The following LRRC7 variants were observed in gnomAD, a reference collection of about 807,000 sequenced individuals.
LRRC7 encodes leucine-rich repeat-containing protein 7.
In LRRC7, 23 loss-of-function variants were observed where a neutral mutation model predicts 175.7. The ratio of observed to expected loss-of-function variants is 0.13; its 90% confidence interval spans 0.09 to 0.19. The LOEUF is 0.19. Ranked by LOEUF, LRRC7 falls within the 10% of genes least tolerant of loss-of-function variation. LRRC7 has a pLI of 1.00. For missense variants in LRRC7, 1,354 were observed against 1,904.7 expected (o/e 0.71, Z 5.38); for synonymous variants, 685 against 680.9 (o/e 1.01, Z -0.09).
At chr1:69,752,740 T>C (rs2100903703) in intron 2 of LRRC7, among the ~76,000 whole-genome samples, 2 of 152,182 alleles carry the variant, frequency 1.3e-5, no homozygotes, top group Admixed American at 1.3e-4. Flanking sequence ...AAAATCACCA[T>C]TAGATATTCA....
intron 25 of LRRC7, among the ~76,000 whole-genome samples, chr1:70,095,283 T>C (rs1664308081): frequency 1.3e-5 from 2 of 152,264 alleles, no homozygotes; most frequent in Non-Finnish European, 2.9e-5. Context: ...AAATGATTTT[T>C]AAAAATAAAT....
intron 7 of LRRC7, among the ~76,000 whole-genome samples, chr1:69,922,271 C>T (rs1007961560): frequency 6.6e-6 from 1 of 152,112 alleles, no homozygotes; most frequent in African/African-American, 2.4e-5. Flanking sequence ...TTGAATGCAC[C>T]ATGATCTCTT....
intron 1 of LRRC7, among the ~76,000 whole-genome samples, chr1:69,630,036 C>T (rs1477944207): frequency 6.6e-6 from 1 of 152,016 alleles, no homozygotes; most frequent in Non-Finnish European, 1.5e-5. Context: ...TTTTTCCCTC[C>T]AGTGTCCTGC....
chr1:69,844,037 T>C (rs1682045695), intron 7 of LRRC7, among the ~76,000 whole-genome samples: 1 of 152,110 alleles, frequency 6.6e-6, no homozygotes, highest in Non-Finnish European at 1.5e-5. Context: ...ACCGAAGTAT[T>C]TGGGAGGATG....
chr1:69,719,362 A>C (rs11799793), intron 2 of LRRC7, among the ~76,000 whole-genome samples: 20,779 of 151,602 alleles, frequency 0.14, 2,009 homozygotes, highest in African/African-American at 0.27. Flanking sequence ...CTCTCTTTGG[A>C]TCATTCCCAC....
In LRRC7 at chr1:69,897,680, T is replaced by TA. The variant is rs67043665; in HGVS notation, c.648-33818dup. 2.0e-4 allele frequency among the ~76,000 whole-genome samples: 31 copies of TA among 151,820 alleles called. 1 individual carries two copies. The highest frequency in any genetic ancestry group is 1.4e-3 in the Admixed American group (21 of 15,240). On this transcript the variant is annotated intron_variant, in intron 7 of 26. Transcript: ENST00000651989. ...AGTACAAAGGGACAGCAAAGGTTTA[T>TA]AAAAAAAAATGTTCTAGCAGAATCA... is the stretch of plus-strand genomic sequence containing the variant.
intron 3 of LRRC7, among the ~76,000 whole-genome samples, chr1:69,774,713 A>G (rs746428271): frequency 6.6e-6 from 1 of 152,218 alleles, no homozygotes; most frequent in Non-Finnish European, 1.5e-5. Context: ...ACAAATCCAC[A>G]TTATTAATGT....
chr1:69,932,135 G>A (rs548615604), intron 8 of LRRC7, among the ~76,000 whole-genome samples: 1 of 152,266 alleles, frequency 6.6e-6, no homozygotes, highest in Admixed American at 6.5e-5. Flanking sequence ...TTTAAAATTT[G>A]CCTGAAGACC....
chr1:69,757,121 G>A (rs1670517701), intron 2 of LRRC7, among the ~76,000 whole-genome samples: 1 of 151,930 alleles, frequency 6.6e-6, no homozygotes, highest in Non-Finnish European at 1.5e-5. Context: ...GTAAACGAAA[G>A]GTGTGAGGAC....
intron 23 of LRRC7, among the ~76,000 whole-genome samples, chr1:70,054,761 G>A (rs2102067525): frequency 6.6e-6 from 1 of 151,544 alleles, no homozygotes; most frequent in Middle Eastern, 3.4e-3. Flanking sequence ...CACCATGCCT[G>A]GCCAATTTTT....
At chr1:69,808,592 C>T (rs1034149092) in intron 4 of LRRC7, among the ~76,000 whole-genome samples, 1 of 152,118 alleles carries the variant, frequency 6.6e-6, no homozygotes, top group Non-Finnish European at 1.5e-5. Context: ...CAAATTAGAA[C>T]TTAGAATTAA....
chr1:69,960,502 C>T (rs1311951587), intron 8 of LRRC7, among the ~76,000 whole-genome samples: 2 of 151,518 alleles, frequency 1.3e-5, no homozygotes, highest in Non-Finnish European at 2.9e-5. Context: ...CTCTGATTTT[C>T]GTTATTTCTT....
At chr1:70,042,786 C>G (rs1246242134) in intron 21 of LRRC7, among the ~76,000 whole-genome samples, 1 of 152,114 alleles carries the variant, frequency 6.6e-6, no homozygotes, top group Non-Finnish European at 1.5e-5. Context: ...TGGAAAATCT[C>G]TATATGAAAT....
Position 70,016,479 on chromosome 1 carries a change from C to A in LRRC7, c.1265C>A (p.Pro422Gln). The A allele has an allele frequency of 1.3e-6, 2 of 1,587,164 alleles. No homozygotes were observed. Among genetic ancestry groups the A allele is most frequent in the East Asian group, 2.3e-5 (1 of 43,770 alleles). ...TGTTTTTGCAGATTGAAGAATTTAC[C>A]ATTCTCATTTACCAAACTTAAAGAG... is the stretch of plus-strand genomic sequence containing the variant. ...NLSDNRLKNL[P>Q]FSFTKLKELA... The change falls in exon 14 of 27, where the codon CCA (proline) becomes CAA (glutamine). Residue 422 changes from proline (P) to glutamine (Q), a missense_variant. By Grantham distance (76) the Pro-to-Gln change is moderately conservative (BLOSUM62 -1). Transcript: ENST00000651989.
chr1:69,742,632 G>A (rs1297391426), intron 2 of LRRC7, among the ~76,000 whole-genome samples: 1 of 151,784 alleles, frequency 6.6e-6, no homozygotes, highest in Non-Finnish European at 1.5e-5. Flanking sequence ...ATTTAATAAT[G>A]TTTACTAAAT....
At chr1:69,949,291 G>C (rs1002406550) in intron 8 of LRRC7, among the ~76,000 whole-genome samples, 3 of 152,046 alleles carry the variant, frequency 2.0e-5, no homozygotes, top group Admixed American at 6.6e-5. Flanking sequence ...GATATATTAG[G>C]CTGGGCACAG....
chr1:70,106,770 A>G (rs550180918), intron 25 of LRRC7, among the ~76,000 whole-genome samples: 1 of 152,154 alleles, frequency 6.6e-6, no homozygotes, highest in African/African-American at 2.4e-5. Context: ...TAACAGGCAC[A>G]CTCACTTATG....
chr1:69,733,632 T>G (rs964209993), intron 2 of LRRC7, among the ~76,000 whole-genome samples: 1 of 152,030 alleles, frequency 6.6e-6, no homozygotes, highest in Non-Finnish European at 1.5e-5. Flanking sequence ...AAATTTCCCC[T>G]GAATTTTGGT....
chr1:70,034,652 A>C (rs1282636741), intron 18 of LRRC7, among the ~76,000 whole-genome samples: 1 of 152,212 alleles, frequency 6.6e-6, no homozygotes, highest in Non-Finnish European at 1.5e-5. Flanking sequence ...GATCACTGGA[A>C]TGGAGCCCAG....
Sources: allele counts gnomAD v4.1 joint callset (sites outside exome capture counted in the v4.1 genomes callset), GRCh38; gene constraint gnomAD v4.1.1; transcripts MANE v1.5; gene names NCBI Gene and HGNC (gene_info 2026-07-23, HGNC 2026-07-21).